Variants in SLC66A2 observed in about 807,000 individuals in gnomAD.
The protein encoded by SLC66A2 is PQ loop repeat containing 1.
In SLC66A2, 23 loss-of-function variants were observed where a neutral mutation model predicts 25.5. The ratio of observed to expected loss-of-function variants is 0.90; its 90% CI spans 0.65 to 1.28. SLC66A2 has a LOEUF of 1.28. SLC66A2 is among the 50% of genes most tolerant of loss of function. SLC66A2 has a pLI of 0.00. For missense variants in SLC66A2, 396 were observed against 373.1 expected, an observed-to-expected ratio of 1.06 and a Z score of -0.51; for synonymous variants, 193 against 166.5, an observed-to-expected ratio of 1.16 and a Z score of -1.23.
chr18:79,903,185 C>T lies in SLC66A2; in HGVS notation c.*791G>A, dbSNP rs571659851. ...TGGCGTGCAGACTGCATGTGCACAG[C>T]CTCAGCCCGGCCCCCTCAGCCATTG... On this transcript the variant is annotated 3_prime_UTR_variant, in exon 6 of 6. Coordinates refer to ENST00000397778, the MANE Select transcript of SLC66A2 (RefSeq NM_025078.5). 4 of 152,376 alleles carry T rather than the reference C, an allele frequency of 2.6e-5. No homozygotes were observed. Among genetic ancestry groups the T allele is most frequent in the African/African-American group, 9.6e-5 (4 of 41,478 alleles). The allele number at this position is 152,376 out of a possible 1,614,324, so 9.4% of individuals were successfully genotyped here. A position where few individuals can be genotyped will look rare whatever the true frequency, so the allele number is the denominator to read the frequency against.
At chr18:79,943,254 G>C in intron 3 of SLC66A2, 75 bp downstream of exon 3, 2 of 1,553,596 alleles carry the variant, frequency 1.3e-6, no homozygotes, top group African/African-American at 1.4e-5. Context: ...GGACAGATTA[G>C]AGTGGCTTTT....
intron 5 of SLC66A2, among the ~76,000 whole-genome samples, chr18:79,911,575 C>T (rs762780383): frequency 2.0e-5 from 3 of 152,260 alleles, no homozygotes; most frequent in Non-Finnish European, 4.4e-5. Context: ...ATGGCAGCTG[C>T]AGGCACGGAG....
chr18:79,926,071 G>A (rs375923748), intron 4 of SLC66A2, among the ~76,000 whole-genome samples: 35 of 152,198 alleles, frequency 2.3e-4, no homozygotes, highest in African/African-American at 8.2e-4. Flanking sequence ...TACCAGCACC[G>A]TGACAGTTTA....
rs760095382 is a variant in SLC66A2 at position 79,904,054 on chromosome 18, C to T, written c.738G>A (p.Gly246=). The stretch of plus-strand genomic sequence containing the variant: ...GGTGGCGGGCGAAGGCGTAGGCCTG[C>T]CCCAGGATGGCCAGGTCCACCAGCA... ...LQVLVDLAIL[G]QAYAFARHPQ... The change falls in exon 6 of 6, where the codon GGG becomes GGA. Residue 246 remains glycine, a synonymous_variant. Transcript: ENST00000397778. This position sits in a 1 kb window ranked among gnomAD's most constrained non-coding sequence, Gnocchi z 6.3. 6.2e-7 allele frequency: 1 copy of T among 1,611,018 alleles called. No homozygotes were observed. The highest frequency in any genetic ancestry group is 8.5e-7 in the Non-Finnish European group (1 of 1,179,134).
chr18:79,944,585 C>CA (rs1289290136), intron 2 of SLC66A2: 5 of 152,402 alleles, frequency 3.3e-5, no homozygotes, highest in Admixed American at 6.5e-5. Flanking sequence ...GCAGAGCCAC[C>CA]ACCTCCAAGG....
rs72982284 is a variant in SLC66A2, at chr18:79,918,240, C to T, written c.608+944G>A. Among the ~76,000 whole-genome samples, 16,682 of 152,248 alleles carry T rather than the reference C, an allele frequency of 0.11. 1,107 individuals are homozygous for T. Among genetic ancestry groups the T allele is most frequent in the East Asian group, 0.21 (1,109 of 5,174 alleles). On this transcript the variant is annotated intron_variant, in intron 5 of 5. Coordinates refer to ENST00000397778, the MANE Select transcript of SLC66A2 (RefSeq NM_025078.5). This position sits in a 1 kb window ranked among gnomAD's most constrained non-coding sequence, Gnocchi z 4.0. ...GGGCACCCGTTCTCCAACACAAAAACGCGTCAGCCCCTCTCTTCCAGGCTG... is the reference window on the plus strand; with the variant it reads ...GGGCACCCGTTCTCCAACACAAAAATGCGTCAGCCCCTCTCTTCCAGGCTG...
intron 4 of SLC66A2, among the ~76,000 whole-genome samples, chr18:79,928,041 G>C (rs1368097860): frequency 6.6e-6 from 1 of 152,186 alleles, no homozygotes; most frequent in African/African-American, 2.4e-5. Flanking sequence ...CTGCTCAGTG[G>C]GGCACCCAAC....
At chr18:79,938,196 C>T (rs1368134856) in intron 3 of SLC66A2, among the ~76,000 whole-genome samples, 1 of 151,934 alleles carries the variant, frequency 6.6e-6, no homozygotes, top group African/African-American at 2.4e-5. Context: ...AGGAAGGAGA[C>T]CTGAATGCAA....
chr18:79,947,948 G>A (rs553140342), intron 2 of SLC66A2, among the ~76,000 whole-genome samples: 27 of 152,190 alleles, frequency 1.8e-4, no homozygotes, highest in African/African-American at 6.5e-4. Flanking sequence ...GGTGGGCTTC[G>A]CTGTGTGGAG....
rs1279173089 is a variant in SLC66A2 at position 79,943,417 on chromosome 18, G to A, written c.249C>T (p.Ile83=). The A allele has an allele frequency of 6.2e-7, 1 of 1,614,234 alleles. No homozygotes were observed. The highest frequency in any genetic ancestry group is 1.7e-5 in the Admixed American group (1 of 60,028). ...GCATCAGCAGCATGGTCAGGATCATGATGGCGCTCTGCCACAGCAGCGGGG... is the reference window on the plus strand; with the variant it reads ...GCATCAGCAGCATGGTCAGGATCATAATGGCGCTCTGCCACAGCAGCGGGG... ...FESPLLWQSA[I]MILTMLLMLK... Residue 83 remains isoleucine (I), a synonymous_variant, in exon 3 of 6, where the codon ATC becomes ATT. Transcript: ENST00000397778.
rs2145010391 is a variant in SLC66A2, at chr18:79,951,578, T to C, written c.-100+3A>G. On this transcript the variant is annotated splice_donor_region_variant and intron_variant, in intron 1 of 5. Coordinates refer to ENST00000397778, the MANE Select transcript of SLC66A2 (RefSeq NM_025078.5). ...GACCCCGCGCCGCCCCCGCGCTCCT[T>C]ACCTGCGCCCCCAGCCCCGCGCCCA... The C allele has an allele frequency of 6.6e-6, 1 of 151,526 alleles. No homozygotes were observed. The highest frequency in any genetic ancestry group is 6.6e-5 in the Admixed American group (1 of 15,172). 9.4% of individuals were successfully genotyped at this position (151,526 alleles called of 1,614,324 possible). A position where few individuals can be genotyped will look rare whatever the true frequency, so the allele number is the denominator to read the frequency against.
intron 4 of SLC66A2, among the ~76,000 whole-genome samples, chr18:79,931,467 AAAC>A (rs1986561418): frequency 6.6e-6 from 1 of 152,254 alleles, no homozygotes; most frequent in Non-Finnish European, 1.5e-5. Context: ...CGTCCCTAAC[AAAC>A]AACAGTGCCC....
intron 4 of SLC66A2, among the ~76,000 whole-genome samples, chr18:79,931,259 A>T (rs889499606): frequency 6.6e-6 from 1 of 152,234 alleles, no homozygotes. Flanking sequence ...CAATCAAATC[A>T]AAGGGCAGAA....
At chr18:79,938,328 G>A (rs1166908427) in intron 3 of SLC66A2, among the ~76,000 whole-genome samples, 27 of 152,144 alleles carry the variant, frequency 1.8e-4, no homozygotes, top group Admixed American at 1.8e-3. Flanking sequence ...AGACAGGTGT[G>A]CACTCACTCC....
intron 4 of SLC66A2, among the ~76,000 whole-genome samples, chr18:79,932,355 A>C (rs1253619927): frequency 1.3e-5 from 2 of 152,146 alleles, no homozygotes; most frequent in African/African-American, 4.8e-5. Flanking sequence ...AAACCAAAGC[A>C]AGCATAAGGA....
At position 79,902,977 on chromosome 18, in the gene SLC66A2, T is replaced by C; in HGVS notation, c.*999A>G. On this transcript the variant is annotated 3_prime_UTR_variant, in exon 6 of 6. Coordinates refer to ENST00000397778, the MANE Select transcript of SLC66A2 (RefSeq NM_025078.5). ...CAGTACCCCCCACTCAGGAATTTGC[T>C]TCAGGCCAAAAGCCCAGGGCAGCAG... is the stretch of plus-strand genomic sequence containing the variant. 1 of 153,282 alleles carries C rather than the reference T, an allele frequency of 6.5e-6. No homozygotes were observed. The highest frequency in any genetic ancestry group is 1.5e-5 in the Non-Finnish European group (1 of 68,886). The allele number at this position is 153,282 out of a possible 1,614,324, so 9.5% of individuals were successfully genotyped here.
At chr18:79,910,101 CACCCT>C (rs1982832865) in intron 5 of SLC66A2, among the ~76,000 whole-genome samples, 1 of 139,126 alleles carries the variant, frequency 7.2e-6, no homozygotes, top group African/African-American at 2.7e-5. Flanking sequence ...ACCTTCCCCA[CACCCT>C]CACCATAGAG....
At chr18:79,905,453 C>T (rs1000695954) in intron 5 of SLC66A2, among the ~76,000 whole-genome samples, 3 of 88 alleles carry the variant, frequency 0.034, no homozygotes, top group Non-Finnish European at 0.052. Flanking sequence ...GCCCAGGCTT[C>T]GGAATTCCCC....
chr18:79,907,678 A>G (rs73483513), intron 5 of SLC66A2, among the ~76,000 whole-genome samples: 50 of 152,124 alleles, frequency 3.3e-4, no homozygotes, highest in African/African-American at 1.2e-3. Flanking sequence ...GCTCTAGGGC[A>G]TTGGTTCCCA....
Sources: allele counts gnomAD v4.1 joint callset (sites outside exome capture counted in the v4.1 genomes callset), GRCh38; gene constraint gnomAD v4.1.1; non-coding constraint Gnocchi (gnomAD v3.1); transcripts MANE v1.5; gene names NCBI Gene and HGNC (gene_info 2026-07-23, HGNC 2026-07-21).